The following CDC42BPA variants were observed in gnomAD, a reference collection of about 807,000 sequenced individuals.
CDC42BPA encodes the protein CDC42 binding protein kinase alpha, also known as serine/threonine-protein kinase MRCK alpha.
A neutral mutation model predicts 223.5 loss-of-function variants in CDC42BPA; 80 were observed. That is an observed-to-expected ratio of 0.36 (90% confidence interval 0.30 to 0.43). The LOEUF (loss-of-function observed/expected upper bound fraction) is 0.43, where lower values mean the gene tolerates loss of function less well. Ranked by LOEUF, CDC42BPA falls within the 20% of genes least tolerant of loss-of-function variation. The pLI, the probability that CDC42BPA is intolerant of heterozygous loss-of-function variation, is 1.00. For synonymous variants in CDC42BPA, 694 were observed against 718.6 expected, an observed-to-expected ratio of 0.97 and a Z score of 0.55; for missense variants, 1,743 against 2,099.9, an observed-to-expected ratio of 0.83 and a Z score of 3.32.
chr1:227,204,844 T>A (rs1672378960), intron 3 of CDC42BPA, among the ~76,000 whole-genome samples: 1 of 151,962 alleles, frequency 6.6e-6, no homozygotes, highest in Admixed American at 6.6e-5. Flanking sequence ...ACACTACCGA[T>A]AAACTCACAA....
intron 15 of CDC42BPA, among the ~76,000 whole-genome samples, chr1:227,097,954 C>G (rs1423986834): frequency 2.6e-5 from 4 of 152,154 alleles, no homozygotes; most frequent in Non-Finnish European, 4.4e-5. Flanking sequence ...TCAAGTCACC[C>G]ACTTAGCCCA....
At chr1:227,023,585 A>G (rs1667757871) in intron 31 of CDC42BPA, among the ~76,000 whole-genome samples, 1 of 152,228 alleles carries the variant, frequency 6.6e-6, no homozygotes, top group Admixed American at 6.5e-5. Context: ...CAAATGAACA[A>G]ATAAGTAGAA....
intron 12 of CDC42BPA, among the ~76,000 whole-genome samples, chr1:227,117,438 T>A (rs1036851088): frequency 3.9e-5 from 6 of 152,150 alleles, no homozygotes; most frequent in Non-Finnish European, 7.4e-5. Context: ...TGCCTCAGCA[T>A]CCTGAGCAGC....
intron 5 of CDC42BPA, among the ~76,000 whole-genome samples, chr1:227,189,157 G>A (rs1156775863): frequency 3.3e-5 from 5 of 151,986 alleles, no homozygotes; most frequent in African/African-American, 9.7e-5. Flanking sequence ...TACAACTGCC[G>A]GTGTATCCCA....
intron 17 of CDC42BPA, among the ~76,000 whole-genome samples, chr1:227,076,399 G>A (rs1211909769): frequency 6.6e-6 from 1 of 152,096 alleles, no homozygotes; most frequent in Non-Finnish European, 1.5e-5. Flanking sequence ...TGGGATTACT[G>A]GCACATGCCA....
At chr1:227,272,138 A>G (rs1413196289) in intron 1 of CDC42BPA, among the ~76,000 whole-genome samples, 2 of 152,204 alleles carry the variant, frequency 1.3e-5, no homozygotes, top group African/African-American at 4.8e-5. Flanking sequence ...AAGAGAATGT[A>G]AAGATAATTT....
In CDC42BPA at chr1:227,026,127, C is replaced by T; in HGVS notation, c.4458G>A (p.Val1486=). The T allele has an allele frequency of 1.9e-6, 3 of 1,604,392 alleles. No individual in the cohort carries two copies. The highest frequency in any genetic ancestry group is 4.5e-5 in the East Asian group (2 of 44,664). Residue 1486 remains valine, a synonymous_variant, in exon 31 of 37, where the codon GTG becomes GTA. Transcript: ENST00000366766. ...AGATATCAACTGCATTTTCACTGTA[C>T]ACCGAGAGATATGGTGCATTGTAAC... is the stretch of plus-strand genomic sequence containing the variant. The part of the protein sequence containing the change: ...SCCYNAPYLS[V]YSENAVDIFD...
intron 1 of CDC42BPA, among the ~76,000 whole-genome samples, chr1:227,296,449 T>C (rs1690645099): frequency 6.6e-6 from 1 of 152,172 alleles, no homozygotes; most frequent in Non-Finnish European, 1.5e-5. Context: ...CTCACACTTG[T>C]AATCCCAGCA....
intron 16 of CDC42BPA, among the ~76,000 whole-genome samples, chr1:227,081,449 TC>T (rs1222666850): frequency 1.4e-5 from 2 of 139,550 alleles, no homozygotes; most frequent in African/African-American, 5.4e-5. Context: ...ACGCCTGTTC[TC>T]TCTCTCTTTT....
chr1:227,242,725 TA>T, intron 2 of CDC42BPA, among the ~76,000 whole-genome samples: 1 of 152,092 alleles, frequency 6.6e-6, no homozygotes, highest in Non-Finnish European at 1.5e-5. Flanking sequence ...ATCAGACCCA[TA>T]AATTTAGTGA....
At chr1:227,149,102 G>A (rs888695242) in intron 6 of CDC42BPA, among the ~76,000 whole-genome samples, 2 of 152,138 alleles carry the variant, frequency 1.3e-5, no homozygotes. Flanking sequence ...GCCTTAAAAC[G>A]TATACTGTAA....
chr1:227,263,209 G>A (rs1849550), intron 1 of CDC42BPA, among the ~76,000 whole-genome samples: 126,375 of 152,192 alleles, frequency 0.83, 52,611 homozygotes, highest in South Asian at 0.88. Context: ...TCCAGCCTGG[G>A]TGACAGAGCA....
chr1:227,015,818 T>C (rs1324481585), intron 34 of CDC42BPA, among the ~76,000 whole-genome samples: 1 of 152,202 alleles, frequency 6.6e-6, no homozygotes, highest in Non-Finnish European at 1.5e-5. Context: ...CCACCACCAA[T>C]AGTAAACCTA....
In CDC42BPA at chr1:227,174,829, T is replaced by C. The variant is rs553422246; in HGVS notation, c.600-14193A>G. Among the ~76,000 whole-genome samples the C allele has an allele frequency of 5.3e-5, 8 of 152,288 alleles. No individual in the cohort carries two copies. The East Asian group carries it at 9.6e-4, about 18-fold the overall frequency. ...CAGTATTTAAGATTTAAAACAAAGA[T>C]AGGAAAGCACGTATATTCCACTAAG... On this transcript the variant is annotated intron_variant, in intron 5 of 36. Transcript: ENST00000366766.
At chr1:227,078,933 A>G (rs1294637826) in intron 17 of CDC42BPA, among the ~76,000 whole-genome samples, 1 of 152,118 alleles carries the variant, frequency 6.6e-6, no homozygotes, top group Non-Finnish European at 1.5e-5. Flanking sequence ...TGAACTGTTA[A>G]GTATAACGCA....
At chr1:227,303,684 CACT>C (rs1692063804) in intron 1 of CDC42BPA, among the ~76,000 whole-genome samples, 1 of 152,144 alleles carries the variant, frequency 6.6e-6, no homozygotes, top group Non-Finnish European at 1.5e-5. Context: ...CAGCTTTCAC[CACT>C]GCTAATTTGG....
Position 226,994,797 on chromosome 1 carries a change from A to G in CDC42BPA, c.5133+26T>C. On this transcript the variant is annotated intron_variant, in intron 36 of 36. Coordinates refer to ENST00000366766, the MANE Select transcript of CDC42BPA (RefSeq NM_001394014.1). This position sits in a 1 kb window ranked among gnomAD's most constrained non-coding sequence, Gnocchi z 4.0. ...GATGCCCTAGTCTTTCTGATACATGACGTCTCCGGAACCCTGCCCACTCAC... is the reference window on the plus strand; with the variant it reads ...GATGCCCTAGTCTTTCTGATACATGGCGTCTCCGGAACCCTGCCCACTCAC... The G allele has an allele frequency of 6.3e-7, 1 of 1,582,022 alleles. No homozygotes were observed. The highest frequency in any genetic ancestry group is 1.8e-5 in the Admixed American group (1 of 56,646).
chr1:227,076,069 T>C lies in CDC42BPA; in HGVS notation c.2481-1705A>G, dbSNP rs908989553. 3.9e-5 allele frequency among the ~76,000 whole-genome samples: 6 copies of C among 152,216 alleles called. No homozygotes were observed. In the South Asian group the frequency reaches 8.3e-4, roughly 21 times the overall value. Reference sequence around the variant, plus strand: ...GCAGTCTTCCACTAATTCCTAACTTTTGATTAAACCTATTTCTCTTTTTCT... The same window carrying C: ...GCAGTCTTCCACTAATTCCTAACTTCTGATTAAACCTATTTCTCTTTTTCT... On this transcript the variant is annotated intron_variant, in intron 17 of 36. Transcript: ENST00000366766.
At chr1:227,187,692 A>C (rs1276463743) in intron 5 of CDC42BPA, among the ~76,000 whole-genome samples, 1 of 111,566 alleles carries the variant, frequency 9.0e-6, no homozygotes, top group Non-Finnish European at 1.8e-5. Flanking sequence ...CCCCCCCCAA[A>C]AAAAAAAAAC....
Sources: gnomAD v4.1 joint callset for allele counts (sites outside exome capture counted in the v4.1 genomes callset) on GRCh38, gnomAD v4.1.1 for gene constraint, Gnocchi (gnomAD v3.1) non-coding constraint, MANE v1.5 for transcripts, NCBI Gene and HGNC (gene_info 2026-07-23, HGNC 2026-07-21) for gene names.